Variants in CIROZ observed in about 807,000 individuals in gnomAD.
The protein encoded by CIROZ is ciliated left-right organizer protein containing ZP-N domains, also known as ciliated left-right organizer ZP-N domains-containing protein.
the CIROZ span, among the ~76,000 whole-genome samples, chr1:10,981,047 T>C: frequency 6.6e-6 from 1 of 152,264 alleles, no homozygotes; most frequent in Non-Finnish European, 1.5e-5. Flanking sequence ...ATTGTGACAT[T>C]CCAGCTGGCC....
At chr1:10,963,510 T>C in the CIROZ span, among the ~76,000 whole-genome samples, 1 of 151,922 alleles carries the variant, frequency 6.6e-6, no homozygotes, top group African/African-American at 2.4e-5. Context: ...TTGGTCCCTA[T>C]AGATGTTTGG....
chr1:10,980,667 G>A, the CIROZ span, among the ~76,000 whole-genome samples: 5 of 152,328 alleles, frequency 3.3e-5, no homozygotes, highest in Admixed American at 6.5e-5. Flanking sequence ...GTCTGGAATC[G>A]GCCCGGTGGC....
chr1:10,960,337 G>A, the CIROZ span, among the ~76,000 whole-genome samples: 2 of 152,176 alleles, frequency 1.3e-5, no homozygotes, highest in Non-Finnish European at 2.9e-5. This position sits in a 1 kb window ranked among gnomAD's most constrained non-coding sequence, Gnocchi z 4.6. Flanking sequence ...CTGGGAGGCG[G>A]AAGTTGCAGT....
the CIROZ span, among the ~76,000 whole-genome samples, chr1:10,971,106 G>A: frequency 2.9e-5 from 3 of 102,014 alleles, no homozygotes; most frequent in Admixed American, 1.0e-4. Flanking sequence ...CCGAGATGGC[G>A]CCACTACACT....
chr1:10,970,638 T>C, the CIROZ span, among the ~76,000 whole-genome samples: 2 of 151,872 alleles, frequency 1.3e-5, no homozygotes, highest in South Asian at 2.1e-4. Context: ...AAAAAAAAGA[T>C]TTCCAGTGTG....
At chr1:10,959,944 G>A in the CIROZ span, among the ~76,000 whole-genome samples, 207 of 152,306 alleles carry the variant, frequency 1.4e-3, no homozygotes, top group Non-Finnish European at 2.5e-3. This position sits in a 1 kb window ranked among gnomAD's most constrained non-coding sequence, Gnocchi z 4.3. Flanking sequence ...CACAAGGTCT[G>A]GCAGAATGAG....
At chr1:10,978,538 A>G in the CIROZ span, among the ~76,000 whole-genome samples, 1 of 151,784 alleles carries the variant, frequency 6.6e-6, no homozygotes, top group Non-Finnish European at 1.5e-5. Flanking sequence ...GCAAGACTCG[A>G]TGTCTACAAA....
chr1:10,948,772 TG>T, the CIROZ span: 1 of 1,523,266 alleles, frequency 6.6e-7, no homozygotes, highest in African/African-American at 1.4e-5. Context: ...TGCACCACTC[TG>T]GGGAGAATGG....
chr1:10,976,337 C>A, the CIROZ span: 4 of 711,282 alleles, frequency 5.6e-6, no homozygotes, highest in Non-Finnish European at 8.7e-6. Flanking sequence ...CATTATATTT[C>A]TTTTTTTTTT....
the CIROZ span, chr1:10,947,912 A>T: frequency 6.2e-7 from 1 of 1,613,724 alleles, no homozygotes; most frequent in Non-Finnish European, 8.5e-7. Context: ...CCTGGCCCAC[A>T]GGCCAGCCAG....
chr1:10,956,395 T>C, the CIROZ span, among the ~76,000 whole-genome samples: 1 of 152,052 alleles, frequency 6.6e-6, no homozygotes, highest in Non-Finnish European at 1.5e-5. Flanking sequence ...CCCGTCTCTG[T>C]TCTCAGAGCC....
chr1:10,955,146 G>A, the CIROZ span: 2 of 1,612,834 alleles, frequency 1.2e-6, no homozygotes, highest in South Asian at 2.2e-5. Context: ...GTCTCTGCTT[G>A]GGGATGTGAA....
the CIROZ span, among the ~76,000 whole-genome samples, chr1:10,951,745 A>AAAAAAAATATATATATATATATATATAT: frequency 8.4e-6 from 1 of 119,182 alleles, no homozygotes; most frequent in African/African-American, 3.6e-5. Flanking sequence ...AAAAAAAAAA[A>AAAAAAAATATATATATATATATATATAT]ATATATATAT....
At chr1:10,949,408 G>A in the CIROZ span, 1 of 603,814 alleles carries the variant, frequency 1.7e-6, no homozygotes, top group Non-Finnish European at 2.9e-6. Context: ...CAGATGAGGG[G>A]GGCTGCCCTC....
the CIROZ span, among the ~76,000 whole-genome samples, chr1:10,975,805 G>A: frequency 4.6e-5 from 7 of 152,024 alleles, no homozygotes; most frequent in Middle Eastern, 3.2e-3. Context: ...TGGACTTCGC[G>A]TCATCATCTA....
At chr1:10,954,252 G>A in the CIROZ span, 57 of 1,250,172 alleles carry the variant, frequency 4.6e-5, no homozygotes, top group Admixed American at 9.5e-5. Flanking sequence ...TCAGGAGATC[G>A]AGACCATCTG....
chr1:10,949,395 C>T, the CIROZ span: 14 of 579,782 alleles, frequency 2.4e-5, no homozygotes, highest in African/African-American at 3.8e-5. Flanking sequence ...TGATCCAGGC[C>T]GACAGATGAG....
the CIROZ span, among the ~76,000 whole-genome samples, chr1:10,950,317 G>C: frequency 6.6e-6 from 1 of 152,138 alleles, no homozygotes; most frequent in African/African-American, 2.4e-5. Flanking sequence ...TTACAGGAGT[G>C]AGCCACCACG....
the CIROZ span, among the ~76,000 whole-genome samples, chr1:10,974,328 G>A: frequency 6.6e-6 from 1 of 152,218 alleles, no homozygotes; most frequent in South Asian, 2.1e-4. The surrounding 1 kb of genome is among the most constrained non-coding windows in gnomAD (Gnocchi z 4.4). Flanking sequence ...AGGAAGACGA[G>A]CGCAGAGAGG....
Sources: allele counts gnomAD v4.1 joint callset (sites outside exome capture counted in the v4.1 genomes callset), GRCh38; gene constraint gnomAD v4.1.1; non-coding constraint Gnocchi (gnomAD v3.1); transcripts MANE v1.5; gene names NCBI Gene and HGNC (gene_info 2026-07-23, HGNC 2026-07-21).